LRIG2: variants seen among roughly 807,000 people sequenced by gnomAD.
The protein encoded by LRIG2 is leucine-rich repeats and immunoglobulin-like domains protein 2.
LRIG2 carries 93 observed loss-of-function variants against 107.8 expected under a neutral mutation model. That is an observed-to-expected ratio of 0.86 (90% CI 0.73 to 1.03). The LOEUF (loss-of-function observed/expected upper bound fraction) is 1.03. Ranked by LOEUF, LRIG2 falls within the 50% of genes least tolerant of loss-of-function variation. The probability of loss-of-function intolerance (pLI) is 0.00; values close to 1 mark genes in which losing one functional copy is unlikely to be tolerated. For synonymous variants in LRIG2, 471 were observed against 470.6 expected (o/e 1.00, Z -0.01); for missense variants, 1,226 against 1,296.0 (o/e 0.95, Z 0.83).
chr1:113,098,758 T>A lies in LRIG2; in HGVS notation c.1145T>A (p.Phe382Tyr), dbSNP rs1654177243. Residue 382 changes from phenylalanine to tyrosine, a missense_variant, in exon 9 of 18, where the codon TTT becomes TAT. Phe to Tyr is a conservative substitution (Grantham distance 22). Transcript: ENST00000361127. ...SWAIEDASEA[F>Y]AGLTSLTKLI... ...GCCATAGAAGATGCTAGTGAAGCCT[T>A]TGCTGGACTCACAAGTCTCACTAAA... 1 of 1,611,644 alleles carries A rather than the reference T, an allele frequency of 6.2e-7. No individual in the cohort carries two copies. The highest frequency in any genetic ancestry group is 8.5e-7 in the Non-Finnish European group (1 of 1,177,942).
intron 1 of LRIG2, among the ~76,000 whole-genome samples, 163 bp from the exon 2 acceptor site, chr1:113,091,155 C>T (rs566897726): frequency 6.6e-6 from 1 of 152,088 alleles, no homozygotes; most frequent in South Asian, 2.1e-4. Context: ...AACTTCTGAC[C>T]TCAGGTGATC....
chr1:113,109,833 C>T (rs890663711), intron 12 of LRIG2, among the ~76,000 whole-genome samples: 10 of 152,128 alleles, frequency 6.6e-5, no homozygotes, highest in Non-Finnish European at 1.0e-4. Flanking sequence ...ACATGTTTAT[C>T]TATCACATAC....
At chr1:113,085,578 G>A (rs914390861) in intron 1 of LRIG2, among the ~76,000 whole-genome samples, 6 of 152,012 alleles carry the variant, frequency 3.9e-5, no homozygotes, top group Non-Finnish European at 7.4e-5. Flanking sequence ...ACCACTGTGC[G>A]CGGTCTATCC....
chr1:113,089,066 G>T (rs115976004), intron 1 of LRIG2, among the ~76,000 whole-genome samples: 1 of 152,200 alleles, frequency 6.6e-6, no homozygotes, highest in Non-Finnish European at 1.5e-5. Context: ...GCTCTTAAAT[G>T]AAAGTGGCTA....
intron 8 of LRIG2, 145 bp downstream of exon 8, chr1:113,096,510 G>A (rs1005017452): frequency 1.5e-5 from 12 of 779,150 alleles, no homozygotes; most frequent in Non-Finnish European, 2.2e-5. Context: ...GAGCAAGGCA[G>A]TCTTATTTGT....
In LRIG2 at chr1:113,112,642, G is replaced by T; in HGVS notation, c.1962G>T (p.Met654Ile). Residue 654 changes from methionine (M) to isoleucine (I), a missense_variant, in exon 14 of 18, where the codon ATG (methionine) becomes ATT (isoleucine). Met to Ile is a conservative substitution (Grantham distance 10). Transcript: ENST00000361127. ...PAARERRMHV[M>I]PEDDVFFIAN... ...CTCGAGAAAGACGCATGCACGTCATGCCCGAGGATGACGTCTTCTTTATTG... is the reference window on the plus strand; with the variant it reads ...CTCGAGAAAGACGCATGCACGTCATTCCCGAGGATGACGTCTTCTTTATTG... The T allele has an allele frequency of 3.1e-6, 5 of 1,614,158 alleles. No homozygotes were observed. Among genetic ancestry groups the T allele is most frequent in the Non-Finnish European group, 4.2e-6 (5 of 1,180,020 alleles).
chr1:113,082,580 A>G (rs1377028286), intron 1 of LRIG2, among the ~76,000 whole-genome samples: 2 of 152,230 alleles, frequency 1.3e-5, no homozygotes, highest in Non-Finnish European at 2.9e-5. Flanking sequence ...ACATGGCAAA[A>G]GCAGGAGTGA....
chr1:113,112,122 G>A (rs1332135082), intron 13 of LRIG2, among the ~76,000 whole-genome samples: 3 of 151,918 alleles, frequency 2.0e-5, no homozygotes, highest in African/African-American at 4.8e-5. Context: ...AAGAAAAGAT[G>A]TTCTCAAAAC....
At chr1:113,077,608 C>G (rs1261851246) in intron 1 of LRIG2, among the ~76,000 whole-genome samples, 4 of 151,998 alleles carry the variant, frequency 2.6e-5, no homozygotes, top group Non-Finnish European at 4.4e-5. Context: ...TAGTTGTGAA[C>G]AGATTCGTTT....
chr1:113,095,046 C>CA (rs760786302), intron 6 of LRIG2, among the ~76,000 whole-genome samples: 4 of 151,066 alleles, frequency 2.6e-5, no homozygotes, highest in Non-Finnish European at 2.9e-5. Context: ...GTGATCTCAG[C>CA]TCCTGCAACC....
At position 113,110,441 on chromosome 1, in the gene LRIG2, G is replaced by A. The variant is rs759903255; in HGVS notation, c.1677G>A (p.Leu559=). The part of the protein sequence containing the change: ...VRYWQQAGEA[L]EYTSILHLFN... ...ATTGGCAGCAAGCTGGAGAAGCTCT[G>A]GAATATACTAGTATCTTACATCTTT... The change falls in exon 13 of 18, where the codon CTG becomes CTA. Residue 559 remains leucine, a synonymous_variant. Coordinates refer to ENST00000361127, the MANE Select transcript of LRIG2 (RefSeq NM_014813.3). 11 of 1,613,958 alleles carry A rather than the reference G, an allele frequency of 6.8e-6. No individual in the cohort carries two copies. The highest frequency in any genetic ancestry group is 3.4e-6 in the Non-Finnish European group (4 of 1,179,896).
intron 1 of LRIG2, among the ~76,000 whole-genome samples, chr1:113,073,861 T>G (rs1652828413): frequency 6.6e-6 from 1 of 151,790 alleles, no homozygotes; most frequent in African/African-American, 2.4e-5. Flanking sequence ...AGACGAGGGT[T>G]AAGATTCTTG....
In LRIG2 at chr1:113,095,224, G is replaced by C. The variant is rs1287537534; in HGVS notation, c.803+469G>C. ...CTGACCTCATGATCCACCCACCTTGGCCTCCCAAAGTGCTGTGATTACAGG... is the reference window on the plus strand; with the variant it reads ...CTGACCTCATGATCCACCCACCTTGCCCTCCCAAAGTGCTGTGATTACAGG... On this transcript the variant is annotated intron_variant, in intron 6 of 17. Coordinates refer to ENST00000361127, the MANE Select transcript of LRIG2 (RefSeq NM_014813.3). Among the ~76,000 whole-genome samples, 3 of 151,944 alleles carry C rather than the reference G, an allele frequency of 2.0e-5. No homozygotes were observed. The East Asian group carries it at 5.8e-4, about 29-fold the overall frequency.
chr1:113,087,668 GTC>G (rs1653619032), intron 1 of LRIG2, among the ~76,000 whole-genome samples: 1 of 152,126 alleles, frequency 6.6e-6, no homozygotes, highest in African/African-American at 2.4e-5. Flanking sequence ...TCATATTTTA[GTC>G]TTCTGTCTTT....
chr1:113,077,615 GT>G lies in LRIG2; in HGVS notation c.239+3976del, dbSNP rs374873281. Among the ~76,000 whole-genome samples, 12 of 152,126 alleles carry G rather than the reference GT, an allele frequency of 7.9e-5. No homozygotes were observed. The South Asian group carries it at 2.5e-3, about 32-fold the overall frequency. On this transcript the variant is annotated intron_variant, in intron 1 of 17. Transcript: ENST00000361127. The stretch of plus-strand genomic sequence containing the variant: ...CTTTATAATAGTTGTGAACAGATTC[GT>G]TTTTTAGCATAGAGGACATAAGCTT...
In LRIG2 at chr1:113,075,220, A is replaced by AG. The variant is rs943473910; in HGVS notation, c.239+1575_239+1576insG. On this transcript the variant is annotated intron_variant, in intron 1 of 17. Transcript: ENST00000361127. ...AGAGTGAAACTCTGTCTCAAAAAAA[A>AG]AAAGAGTCATCACTAAAAAAATAGG... Among the ~76,000 whole-genome samples the AG allele has an allele frequency of 1.5e-4, 23 of 152,278 alleles. No individual in the cohort carries two copies. In the East Asian group the frequency reaches 2.1e-3, roughly 14 times the overall value.
At position 113,114,819 on chromosome 1, in the gene LRIG2, G is replaced by A. The variant is rs1454540614; in HGVS notation, c.2473G>A (p.Val825Ile). ...CCVVGTSLIW[V>I]IVIYHMRRKN... Reference sequence around the variant, plus strand: ...TGTTGTTGGCACTTCTTTGATCTGGGTCATTGTTATTTACCACATGAGAAG... The same window carrying A: ...TGTTGTTGGCACTTCTTTGATCTGGATCATTGTTATTTACCACATGAGAAG... The change falls in exon 15 of 18, where the codon GTC becomes ATC. Residue 825 changes from valine (V) to isoleucine (I), a missense_variant. Val to Ile is a conservative substitution (Grantham distance 29). This residue lies in a region of LRIG2 where 642 missense variants were observed against 712.2 expected (regional missense o/e 0.90). Coordinates refer to ENST00000361127, the MANE Select transcript of LRIG2 (RefSeq NM_014813.3). 5 of 1,613,864 alleles carry A rather than the reference G, an allele frequency of 3.1e-6. No homozygotes were observed. Among genetic ancestry groups the A allele is most frequent in the Non-Finnish European group, 3.4e-6 (4 of 1,180,030 alleles).
At position 113,125,011 on chromosome 1, in the gene LRIG2, A is replaced by T. The variant is rs1655426162; in HGVS notation, c.*910A>T. ...CCCTGTGTCTGCAAAAAAATAAATT[A>T]AAAAAATAGGTGGACATTGTGGCAT... On this transcript the variant is annotated 3_prime_UTR_variant, in exon 18 of 18. Transcript: ENST00000361127. 1 of 151,954 alleles carries T rather than the reference A, an allele frequency of 6.6e-6. No homozygotes were observed. The allele number at this position is 151,954 out of a possible 1,614,324, so 9.4% of individuals were successfully genotyped here.
At chr1:113,119,958 C>T (rs899072734) in intron 17 of LRIG2, among the ~76,000 whole-genome samples, 1 of 151,782 alleles carries the variant, frequency 6.6e-6, no homozygotes, top group African/African-American at 2.4e-5. Context: ...TACAGGCGTG[C>T]ACCACCACAC....
Sources: gnomAD v4.1 joint callset for allele counts (sites outside exome capture counted in the v4.1 genomes callset) on GRCh38, gnomAD v4.1.1 for gene constraint, gnomAD v4.1.1 regional missense constraint, MANE v1.5 for transcripts, NCBI Gene and HGNC (gene_info 2026-07-23, HGNC 2026-07-21) for gene names.